HPS1: variants seen among roughly 807,000 people sequenced by gnomAD.
The protein encoded by HPS1 is HPS1 biogenesis of lysosomal organelles complex 3 subunit 1, also known as BLOC-3 complex member HPS1.
In HPS1, 59 loss-of-function variants were observed where a neutral mutation model predicts 90.6. The observed-to-expected ratio is 0.65, with a 90% CI of 0.53 to 0.81. The LOEUF is 0.81. HPS1 is among the 30% of genes least tolerant of loss of function. The pLI is 0.00. For missense variants in HPS1, 849 were observed against 896.7 expected (o/e 0.95, Z 0.68); for synonymous variants, 388 against 384.4 (o/e 1.01, Z -0.11).
chr10:98,434,128 A>G, intron 5 of HPS1, 37 bp from the exon 6 acceptor site: 5 of 1,537,796 alleles, frequency 3.3e-6, no homozygotes, highest in Non-Finnish European at 4.4e-6. Context: ...AGAGATCACA[A>G]GAAAGCTGGT....
At position 98,416,496 on chromosome 10, in the gene HPS1, C is replaced by T. The variant is rs1844133533; in HGVS notation, c.*1068G>A. The T allele has an allele frequency of 6.6e-6, 1 of 152,400 alleles. No homozygotes were observed. Among genetic ancestry groups the T allele is most frequent in the African/African-American group, 2.4e-5 (1 of 41,450 alleles). 9.4% of individuals were successfully genotyped at this position (152,400 alleles called of 1,614,324 possible). On this transcript the variant is annotated 3_prime_UTR_variant, in exon 20 of 20. Coordinates refer to ENST00000361490, the MANE Select transcript of HPS1 (RefSeq NM_000195.5). ...ACTGCCACCTTCTCAGGGTTTAGAC[C>T]AACATGTGGGTTCTAGTTCCCCCAG...
rs1844311317 is a variant in HPS1 at position 98,417,919 on chromosome 10, G to A, written c.1941-193C>T. Among the ~76,000 whole-genome samples, 1 of 152,192 alleles carries A rather than the reference G, an allele frequency of 6.6e-6. No homozygotes were observed. The highest frequency in any genetic ancestry group is 1.5e-5 in the Non-Finnish European group (1 of 68,022). On this transcript the variant is annotated intron_variant, in intron 19 of 19. Coordinates refer to ENST00000361490, the MANE Select transcript of HPS1 (RefSeq NM_000195.5). The surrounding 1 kb of genome is among the most constrained non-coding windows in gnomAD (Gnocchi z 4.2). ...GGCATCCTGGCTACGAGGTAGCAGTGGGGATGTTCTGGGCCGGGCACAGAC... is the reference window on the plus strand; with the variant it reads ...GGCATCCTGGCTACGAGGTAGCAGTAGGGATGTTCTGGGCCGGGCACAGAC...
rs747607805 is a variant in HPS1 at position 98,435,715 on chromosome 10, T to C, written c.175A>G (p.Met59Val). The change falls in exon 4 of 20, where the codon ATG becomes GTG. Residue 59 changes from methionine to valine, a missense_variant. By Grantham distance (21) the Met-to-Val change is conservative. Coordinates refer to ENST00000361490, the MANE Select transcript of HPS1 (RefSeq NM_000195.5). This position sits in a 1 kb window ranked among gnomAD's most constrained non-coding sequence, Gnocchi z 4.3. ...TLLAPVIISS[M>V]TMLEKLSDTY... ...TCCGAGAGCTTCTCCAGCATCGTCA[T>C]GGAGGAGATGATGACCGGGGCTAGG... 12 of 1,613,850 alleles carry C rather than the reference T, an allele frequency of 7.4e-6. No individual in the cohort carries two copies. The highest frequency in any genetic ancestry group is 1.0e-5 in the Non-Finnish European group (12 of 1,179,920).
intron 10 of HPS1, 187 bp downstream of exon 10, chr10:98,429,386 T>C: frequency 1.3e-6 from 2 of 1,529,502 alleles, no homozygotes; most frequent in Non-Finnish European, 1.8e-6. Context: ...TAACAATCCT[T>C]GAGTTCAGGC....
rs377718200 is a variant in HPS1 at position 98,437,016 on chromosome 10, T to A, written c.118-1244A>T. On this transcript the variant is annotated intron_variant, in intron 3 of 19. Transcript: ENST00000361490. ...TATCATTCTGGTTCCAGCTCAGATT[T>A]TTTTTTTTCTGGCCACCTCAGGCTA... Among the ~76,000 whole-genome samples the A allele has an allele frequency of 2.9e-4, 44 of 152,242 alleles. No individual in the cohort carries two copies. The East Asian group carries it at 7.0e-3, about 24-fold the overall frequency.
chr10:98,429,223 T>C (rs1411827767), intron 10 of HPS1: 1 of 1,063,364 alleles, frequency 9.4e-7, no homozygotes, highest in Non-Finnish European at 1.2e-6. Flanking sequence ...ATGCTGAATA[T>C]ATTTTAGAAT....
chr10:98,441,312 G>A (rs1404031505), intron 3 of HPS1, among the ~76,000 whole-genome samples: 1 of 152,058 alleles, frequency 6.6e-6, no homozygotes, highest in Non-Finnish European at 1.5e-5. Context: ...TTAAACTGTT[G>A]AACTGGATGT....
chr10:98,423,289 CG>C (rs1036621681), intron 16 of HPS1, among the ~76,000 whole-genome samples: 2 of 151,326 alleles, frequency 1.3e-5, no homozygotes, highest in African/African-American at 4.9e-5. Context: ...ACCCCCCCCC[CG>C]GTCCCCACCC....
chr10:98,415,779 A>T (rs3750603), downstream of HPS1, among the ~76,000 whole-genome samples: 54,847 of 152,030 alleles, frequency 0.36, 11,073 homozygotes, highest in African/African-American at 0.53. Flanking sequence ...ACACAAACCC[A>T]CAACGAGGGC....
At chr10:98,420,373 T>C (rs1201292336) in intron 17 of HPS1, 1 of 541,964 alleles carries the variant, frequency 1.8e-6, no homozygotes, top group Non-Finnish European at 3.3e-6. Context: ...GGGGGCAAAA[T>C]ATATGTAAAA....
chr10:98,438,197 C>T (rs920848986), intron 3 of HPS1, among the ~76,000 whole-genome samples: 1 of 152,084 alleles, frequency 6.6e-6, no homozygotes, highest in African/African-American at 2.4e-5. Flanking sequence ...TAAATTGGTA[C>T]CACAGAGAGT....
intron 17 of HPS1, among the ~76,000 whole-genome samples, chr10:98,421,696 G>C (rs1266397068): frequency 3.3e-5 from 5 of 152,182 alleles, no homozygotes. Context: ...TGAATGAACT[G>C]TATCTGTATT....
chr10:98,417,906 A>G lies in HPS1; in HGVS notation c.1941-180T>C, dbSNP rs1039949407. On this transcript the variant is annotated intron_variant, in intron 19 of 19. Transcript: ENST00000361490. This position sits in a 1 kb window ranked among gnomAD's most constrained non-coding sequence, Gnocchi z 4.2. ...CTGACCTAACAGTGGCATCCTGGCT[A>G]CGAGGTAGCAGTGGGGATGTTCTGG... Among the ~76,000 whole-genome samples the G allele has an allele frequency of 2.4e-4, 37 of 152,280 alleles. No homozygotes were observed. The highest frequency in any genetic ancestry group is 6.8e-3 in the Middle Eastern group (2 of 294).
chr10:98,429,555 C>G lies in HPS1; in HGVS notation c.937+18G>C, dbSNP rs199959972. On this transcript the variant is annotated intron_variant, in intron 10 of 19. Coordinates refer to ENST00000361490, the MANE Select transcript of HPS1 (RefSeq NM_000195.5). Reference sequence around the variant, plus strand: ...CGCAGCTAGCTATTGTTTCCTCCTGCTTTCCTCCGGTCCTCACCTGAGCTC... The same window carrying G: ...CGCAGCTAGCTATTGTTTCCTCCTGGTTTCCTCCGGTCCTCACCTGAGCTC... 6 of 1,614,086 alleles carry G rather than the reference C, an allele frequency of 3.7e-6. No homozygotes were observed. The African/African-American group carries it at 5.3e-5, about 14-fold the overall frequency.
intron 11 of HPS1, among the ~76,000 whole-genome samples, chr10:98,426,720 T>A (rs1845646830): frequency 6.6e-6 from 1 of 150,462 alleles, no homozygotes; most frequent in Non-Finnish European, 1.5e-5. Flanking sequence ...AATCTGATTT[T>A]AAAAATACAC....
chr10:98,430,698 T>G (rs377338253), intron 7 of HPS1, 28 bp from the exon 8 acceptor site: 15 of 1,531,710 alleles, frequency 9.8e-6, no homozygotes, highest in Non-Finnish European at 1.2e-5. Flanking sequence ...TGGCCACCCA[T>G]CAGCACATGC....
chr10:98,422,266 G>T, intron 17 of HPS1, 103 bp downstream of exon 17: 1 of 1,315,594 alleles, frequency 7.6e-7, no homozygotes. Context: ...TGGGCCTGCT[G>T]CCCAGCGCAC....
At chr10:98,421,804 G>T (rs1162347384) in intron 17 of HPS1, among the ~76,000 whole-genome samples, 1 of 152,202 alleles carries the variant, frequency 6.6e-6, no homozygotes, top group Non-Finnish European at 1.5e-5. Flanking sequence ...TTCTACAGAT[G>T]AGGAAACTGA....
At chr10:98,425,396 G>A in intron 13 of HPS1, 145 bp downstream of exon 13, 3 of 759,620 alleles carry the variant, frequency 3.9e-6, no homozygotes, top group Non-Finnish European at 2.2e-6. Context: ...TTCATAATAG[G>A]GAAAACAAGG....
Sources: gnomAD v4.1 joint callset for allele counts (sites outside exome capture counted in the v4.1 genomes callset) on GRCh38, gnomAD v4.1.1 for gene constraint, Gnocchi (gnomAD v3.1) non-coding constraint, MANE v1.5 for transcripts, NCBI Gene and HGNC (gene_info 2026-07-23, HGNC 2026-07-21) for gene names.